The following THSD7A variants were observed in gnomAD, a reference collection of about 807,000 sequenced individuals.
THSD7A encodes thrombospondin type-1 domain-containing protein 7A.
In THSD7A, 96 loss-of-function variants were observed where a neutral mutation model predicts 231.3. The observed-to-expected ratio is 0.41, with a 90% CI of 0.35 to 0.49. The LOEUF (loss-of-function observed/expected upper bound fraction) is 0.49. Ranked by LOEUF, THSD7A falls within the 20% of genes least tolerant of loss-of-function variation. The pLI is 0.05. For synonymous variants in THSD7A, 940 were observed against 743.3 expected (o/e 1.26, Z -4.30); for missense variants, 2,290 against 2,070.2 (o/e 1.11, Z -2.06).
At chr7:11,728,870 G>A (rs1454183378) in intron 1 of THSD7A, among the ~76,000 whole-genome samples, 9 of 151,784 alleles carry the variant, frequency 5.9e-5, no homozygotes, top group African/African-American at 2.2e-4. Context: ...AAGACCAATT[G>A]CTTCCACTTT....
chr7:11,680,035 A>G (rs1783807646), intron 1 of THSD7A, among the ~76,000 whole-genome samples: 1 of 152,056 alleles, frequency 6.6e-6, no homozygotes, highest in Non-Finnish European at 1.5e-5. Flanking sequence ...CCTCAGAAAT[A>G]ACATCACACA....
At chr7:11,433,211 A>C (rs1277111465) in intron 13 of THSD7A, among the ~76,000 whole-genome samples, 1 of 152,054 alleles carries the variant, frequency 6.6e-6, no homozygotes, top group Non-Finnish European at 1.5e-5. Context: ...TAAATCTTAC[A>C]TTTTGACTTT....
In THSD7A at chr7:11,636,846, G is replaced by T. The variant is rs1455819865; in HGVS notation, c.306C>A (p.Ala102=). 3 of 1,613,682 alleles carry T rather than the reference G, an allele frequency of 1.9e-6. No homozygotes were observed. Among genetic ancestry groups the T allele is most frequent in the Non-Finnish European group, 2.5e-6 (3 of 1,179,882 alleles). Residue 102 remains alanine (A), a synonymous_variant, in exon 2 of 28, where the codon GCC becomes GCA. Transcript: ENST00000423059. The surrounding 1 kb of genome is among the most constrained non-coding windows in gnomAD (Gnocchi z 10.0). The part of the protein sequence containing the change: ...WTTLHTNCKQ[A]ERPNNQQNCF... ...AATTCTGCTGGTTATTGGGTCTCTC[G>T]GCCTGCTTACAGTTAGTATGCAGTG... is the stretch of plus-strand genomic sequence containing the variant.
chr7:11,471,479 T>C, intron 8 of THSD7A, among the ~76,000 whole-genome samples: 1 of 152,156 alleles, frequency 6.6e-6, no homozygotes, highest in East Asian at 1.9e-4. Flanking sequence ...TTTTGACATA[T>C]CTTGTATTAT....
intron 1 of THSD7A, among the ~76,000 whole-genome samples, chr7:11,753,576 C>CTT (rs1253251194): frequency 3.4e-5 from 5 of 148,016 alleles, no homozygotes; most frequent in African/African-American, 1.3e-4. Flanking sequence ...CTCTCTCTCT[C>CTT]TGCAGTGGCT....
rs147163129 is a variant in THSD7A at position 11,504,269 on chromosome 7, T to C, written c.1823-22287A>G. 1.8e-4 allele frequency among the ~76,000 whole-genome samples: 28 copies of C among 152,132 alleles called. No homozygotes were observed. The East Asian group carries it at 5.2e-3, about 28-fold the overall frequency. ...GTGGGAGCTAAATTATGAGAACTTATGAAAACAAAGAAGGAAATAAGAGAC... is the reference window on the plus strand; with the variant it reads ...GTGGGAGCTAAATTATGAGAACTTACGAAAACAAAGAAGGAAATAAGAGAC... On this transcript the variant is annotated intron_variant, in intron 6 of 27. Coordinates refer to ENST00000423059, the MANE Select transcript of THSD7A (RefSeq NM_015204.3).
At chr7:11,696,028 G>C (rs765670313) in intron 1 of THSD7A, among the ~76,000 whole-genome samples, 16 of 151,440 alleles carry the variant, frequency 1.1e-4, no homozygotes, top group Non-Finnish European at 1.9e-4. Flanking sequence ...AATATGAGGA[G>C]TTTAGGAAGA....
At chr7:11,400,090 T>C (rs1459101414) in intron 23 of THSD7A, among the ~76,000 whole-genome samples, 1 of 146,684 alleles carries the variant, frequency 6.8e-6, no homozygotes, top group Non-Finnish European at 1.5e-5. Flanking sequence ...ATGTTCTCAC[T>C]CATAGGTGGG....
At chr7:11,650,722 GA>G (rs1392749969) in intron 1 of THSD7A, among the ~76,000 whole-genome samples, 4 of 152,092 alleles carry the variant, frequency 2.6e-5, no homozygotes, top group African/African-American at 9.7e-5. Context: ...GAAGCCACAA[GA>G]GTGAGCGAAG....
At chr7:11,707,028 C>T (rs947024813) in intron 1 of THSD7A, among the ~76,000 whole-genome samples, 2 of 150,674 alleles carry the variant, frequency 1.3e-5, no homozygotes, top group African/African-American at 4.9e-5. Context: ...ACTTTTTCCA[C>T]AAAATATTCA....
At chr7:11,787,343 T>G (rs145366048) in intron 1 of THSD7A, among the ~76,000 whole-genome samples, 89 of 152,132 alleles carry the variant, frequency 5.9e-4, no homozygotes, top group Non-Finnish European at 1.1e-3. Context: ...CTAAATGACT[T>G]TGGATATAGA....
At chr7:11,500,840 G>T (rs1787302914) in intron 6 of THSD7A, among the ~76,000 whole-genome samples, 2 of 151,768 alleles carry the variant, frequency 1.3e-5, no homozygotes, top group African/African-American at 4.8e-5. Context: ...GGAGGCTGAG[G>T]CAGAGAATTG....
Position 11,643,603 on chromosome 7 carries a change from G to GCACACA in THSD7A, c.191-6648_191-6643dup, listed in dbSNP as rs71027421. On this transcript the variant is annotated intron_variant, in intron 1 of 27. Transcript: ENST00000423059. Reference sequence around the variant, plus strand: ...CAACAGATACACCACACGCACGCGCGCACACACACACACACACACAGATTG... The same window carrying GCACACA: ...CAACAGATACACCACACGCACGCGCGCACACACACACACACACACACACACAGATTG... 4.6e-3 allele frequency among the ~76,000 whole-genome samples: 693 copies of GCACACA among 149,596 alleles called. 6 individuals carry two copies. The highest frequency in any genetic ancestry group is 0.017 in the Middle Eastern group (5 of 292).
At chr7:11,797,532 T>G (rs1052056209) in intron 1 of THSD7A, among the ~76,000 whole-genome samples, 1 of 147,000 alleles carries the variant, frequency 6.8e-6, no homozygotes, top group African/African-American at 2.5e-5. Context: ...TCCTCCCACC[T>G]CAGCCTCCTG....
chr7:11,820,378 T>A, intron 1 of THSD7A: 1 of 1,272,290 alleles, frequency 7.9e-7, no homozygotes, highest in Non-Finnish European at 1.1e-6. Flanking sequence ...ACTCTTGTCG[T>A]CTTCAATCTC....
At chr7:11,740,817 C>G (rs1782087731) in intron 1 of THSD7A, among the ~76,000 whole-genome samples, 1 of 151,986 alleles carries the variant, frequency 6.6e-6, no homozygotes, top group Non-Finnish European at 1.5e-5. Context: ...CCCTAGAACA[C>G]AAACTACATC....
intron 4 of THSD7A, among the ~76,000 whole-genome samples, chr7:11,565,137 G>A (rs537084247): frequency 1.3e-5 from 2 of 152,018 alleles, no homozygotes; most frequent in Non-Finnish European, 2.9e-5. Flanking sequence ...AAATTCTCAC[G>A]ATGTCCCTAA....
intron 2 of THSD7A, among the ~76,000 whole-genome samples, chr7:11,620,656 C>T (rs1781273495): frequency 6.6e-6 from 1 of 152,170 alleles, no homozygotes; most frequent in Non-Finnish European, 1.5e-5. Flanking sequence ...GTAGGGGAAT[C>T]AGAAAGACAC....
intron 1 of THSD7A, among the ~76,000 whole-genome samples, chr7:11,710,228 G>A (rs1240630132): frequency 1.3e-5 from 2 of 149,766 alleles, no homozygotes; most frequent in Admixed American, 6.7e-5. Context: ...AAAAAGCGTT[G>A]AGAATCAGTG....
Sources: allele counts gnomAD v4.1 joint callset (sites outside exome capture counted in the v4.1 genomes callset), GRCh38; gene constraint gnomAD v4.1.1; non-coding constraint Gnocchi (gnomAD v3.1); transcripts MANE v1.5; gene names NCBI Gene and HGNC (gene_info 2026-07-23, HGNC 2026-07-21).